SLCO4C1: variants seen among roughly 807,000 people sequenced by gnomAD.
SLCO4C1 encodes the protein solute carrier organic anion transporter family member 4C1.
Under a neutral mutation model 72.1 loss-of-function variants are expected in SLCO4C1, and 58 were observed. That is an observed-to-expected ratio of 0.80 (90% CI 0.65 to 1.00). The LOEUF (loss-of-function observed/expected upper bound fraction) is 1.00. SLCO4C1 is among the 50% of genes least tolerant of loss of function. The pLI, the probability that SLCO4C1 is intolerant of heterozygous loss-of-function variation, is 0.00. For synonymous variants in SLCO4C1, 297 were observed against 312.5 expected (o/e 0.95, Z 0.52); for missense variants, 898 against 857.9 (o/e 1.05, Z -0.58).
intron 9 of SLCO4C1, 78 bp from the exon 10 acceptor site, chr5:102,247,520 A>G: frequency 2.1e-6 from 2 of 953,926 alleles, no homozygotes; most frequent in Non-Finnish European, 1.5e-6. Context: ...TTCTCTAGAC[A>G]TGGCAAACAC....
chr5:102,236,841 T>C lies in SLCO4C1; in HGVS notation c.*17A>G, dbSNP rs1209693421. 1 of 1,609,172 alleles carries C rather than the reference T, an allele frequency of 6.2e-7. No homozygotes were observed. Among genetic ancestry groups the C allele is most frequent in the South Asian group, 1.1e-5 (1 of 89,414 alleles). ...GGTAAATTTTCCAGGTGTAAAACAGTCTTCTCTTTTCCCATTTCACCCTTC... is the reference window on the plus strand; with the variant it reads ...GGTAAATTTTCCAGGTGTAAAACAGCCTTCTCTTTTCCCATTTCACCCTTC... On this transcript the variant is annotated 3_prime_UTR_variant, in exon 13 of 13. Transcript: ENST00000310954.
At chr5:102,243,784 C>T (rs1321430620) in intron 10 of SLCO4C1, among the ~76,000 whole-genome samples, 3 of 152,100 alleles carry the variant, frequency 2.0e-5, no homozygotes, top group South Asian at 4.1e-4. Flanking sequence ...AAATATGTGA[C>T]GTTTCAGACA....
In SLCO4C1 at chr5:102,265,586, T is replaced by C. The variant is rs545740749; in HGVS notation, c.803-1806A>G. 1.1e-3 allele frequency among the ~76,000 whole-genome samples: 164 copies of C among 152,210 alleles called. 1 individual carries two copies. Among genetic ancestry groups the C allele is most frequent in the Non-Finnish European group, 8.2e-4 (56 of 67,954 alleles). On this transcript the variant is annotated intron_variant, in intron 3 of 12. Coordinates refer to ENST00000310954, the MANE Select transcript of SLCO4C1 (RefSeq NM_180991.5). ...TTTATTAAAGAGTCCCCAGTGTATA[T>C]CCTTGGTATCTTTAGCAAAAATCAG...
intron 10 of SLCO4C1, among the ~76,000 whole-genome samples, chr5:102,244,876 A>G (rs751667036): frequency 6.6e-6 from 1 of 152,308 alleles, no homozygotes; most frequent in South Asian, 2.1e-4. Flanking sequence ...GGCCTGTCCT[A>G]TAAGAAATGC....
Position 102,257,183 on chromosome 5 carries a change from C to G in SLCO4C1, c.1401G>C (p.Leu467=), listed in dbSNP as rs147471485. Residue 467 remains leucine (L), a synonymous_variant, in exon 8 of 13, where the codon CTG becomes CTC. Transcript: ENST00000310954. ...ALFTSGVALT[L]SFVFMYAKCE... ...ATTTGGCATACATAAATACAAAACT[C>G]AGCGTAAGTGCAACTCCAGATGTGA... is the stretch of plus-strand genomic sequence containing the variant. 73 of 1,607,504 alleles carry G rather than the reference C, an allele frequency of 4.5e-5. No homozygotes were observed. Among genetic ancestry groups the G allele is most frequent in the Middle Eastern group, 1.7e-4 (1 of 6,050 alleles).
intron 2 of SLCO4C1, among the ~76,000 whole-genome samples, chr5:102,283,865 T>TAG: frequency 6.6e-6 from 1 of 151,880 alleles, no homozygotes; most frequent in Non-Finnish European, 1.5e-5. Flanking sequence ...GCTAAAAAAA[T>TAG]GGAACATTAA....
intron 2 of SLCO4C1, among the ~76,000 whole-genome samples, chr5:102,283,271 A>T (rs59648644): frequency 0.21 from 31,208 of 151,786 alleles, 4,137 homozygotes; most frequent in Non-Finnish European, 0.26. Flanking sequence ...TTATCACCAC[A>T]TATGTATACT....
chr5:102,286,368 A>T (rs1023786248), intron 2 of SLCO4C1, among the ~76,000 whole-genome samples: 1 of 152,180 alleles, frequency 6.6e-6, no homozygotes, highest in Non-Finnish European at 1.5e-5. Flanking sequence ...TCAAAGAGAC[A>T]TAAAGATTAT....
chr5:102,239,341 A>G lies in SLCO4C1; in HGVS notation c.1924T>C (p.Cys642Arg), dbSNP rs111930513. Reference protein sequence around the residue: ...IIFGFTIDSTCILWDINDCGI... With the variant: ...IIFGFTIDSTRILWDINDCGI... Reference sequence around the variant, plus strand: ...CAATCATTTATATCCCAAAGAATACATGTGCTGTCTATTGTGAAACCAAAT... The same window carrying G: ...CAATCATTTATATCCCAAAGAATACGTGTGCTGTCTATTGTGAAACCAAAT... The change falls in exon 12 of 13, where the codon TGT becomes CGT. Residue 642 changes from cysteine (C) to arginine (R), a missense_variant. By Grantham distance (180) the Cys-to-Arg change is radical (BLOSUM62 -3). Coordinates refer to ENST00000310954, the MANE Select transcript of SLCO4C1 (RefSeq NM_180991.5). 1 of 1,603,140 alleles carries G rather than the reference A, an allele frequency of 6.2e-7. No homozygotes were observed. Among genetic ancestry groups the G allele is most frequent in the Non-Finnish European group, 8.5e-7 (1 of 1,175,118 alleles).
intron 2 of SLCO4C1, among the ~76,000 whole-genome samples, chr5:102,274,652 C>T (rs906000488): frequency 1.1e-4 from 17 of 152,142 alleles, no homozygotes. Context: ...ATCTATGCAT[C>T]CTGGAGAGGG....
At chr5:102,264,248 C>T (rs1263969373) in intron 3 of SLCO4C1, among the ~76,000 whole-genome samples, 2 of 152,018 alleles carry the variant, frequency 1.3e-5, no homozygotes, top group East Asian at 3.9e-4. Context: ...TAAAAGTAAG[C>T]CATTAGATTT....
intron 10 of SLCO4C1, among the ~76,000 whole-genome samples, chr5:102,245,128 G>C (rs1278175769): frequency 6.6e-6 from 1 of 152,044 alleles, no homozygotes; most frequent in African/African-American, 2.4e-5. Flanking sequence ...AACAACAAAA[G>C]AATAAAAAGC....
chr5:102,268,917 G>C (rs1749096868), intron 3 of SLCO4C1, among the ~76,000 whole-genome samples: 1 of 151,990 alleles, frequency 6.6e-6, no homozygotes, highest in South Asian at 2.1e-4. Context: ...GAATAGCTTT[G>C]CTGGATATAG....
intron 10 of SLCO4C1, among the ~76,000 whole-genome samples, chr5:102,244,368 CA>C (rs763710407): frequency 9.3e-5 from 14 of 151,310 alleles, no homozygotes; most frequent in Non-Finnish European, 1.8e-4. Flanking sequence ...GAATAAAAAA[CA>C]ATGAAGCATG....
intron 5 of SLCO4C1, among the ~76,000 whole-genome samples, 189 bp from the exon 6 acceptor site, chr5:102,260,508 T>C (rs1452581269): frequency 4.6e-5 from 7 of 151,380 alleles, no homozygotes. Flanking sequence ...CTAGTTCTTC[T>C]GTTAATAAAA....
chr5:102,269,889 T>C (rs1255993202), intron 3 of SLCO4C1, among the ~76,000 whole-genome samples: 1 of 152,100 alleles, frequency 6.6e-6, no homozygotes, highest in Non-Finnish European at 1.5e-5. Flanking sequence ...ATGGTGTTGG[T>C]TGGGTAGGTA....
Position 102,295,914 on chromosome 5 carries a change from T to C in SLCO4C1, c.349A>G (p.Thr117Ala), listed in dbSNP as rs1391689871. The C allele has an allele frequency of 6.2e-6, 10 of 1,612,018 alleles. No homozygotes were observed. Among genetic ancestry groups the C allele is most frequent in the Non-Finnish European group, 8.5e-6 (10 of 1,178,406 alleles). Residue 117 changes from threonine to alanine, a missense_variant, in exon 1 of 13, where the codon ACG becomes GCG. Coordinates refer to ENST00000310954, the MANE Select transcript of SLCO4C1 (RefSeq NM_180991.5). ...AGCGGGCGCTGGACTTTACCTTGCG[T>C]GACGGCCAAGAGGCAGTAGTGAAGC... ...FLLHYCLLAVTQGIVVNGLVN... is the reference protein window; with the variant it reads ...FLLHYCLLAVAQGIVVNGLVN...
intron 2 of SLCO4C1, 113 bp from the exon 3 acceptor site, chr5:102,270,919 A>T: frequency 1.2e-6 from 1 of 856,116 alleles, no homozygotes; most frequent in Non-Finnish European, 1.7e-6. Context: ...TCTTCCAATC[A>T]TTTTACTTTG....
chr5:102,292,103 G>GT (rs1561383694), intron 1 of SLCO4C1, among the ~76,000 whole-genome samples: 1 of 152,158 alleles, frequency 6.6e-6, no homozygotes, highest in African/African-American at 2.4e-5. Context: ...GGGATTACAG[G>GT]TGTGAGCCAA....
Sources: allele counts gnomAD v4.1 joint callset (sites outside exome capture counted in the v4.1 genomes callset), GRCh38; gene constraint gnomAD v4.1.1; transcripts MANE v1.5; gene names NCBI Gene and HGNC (gene_info 2026-07-23, HGNC 2026-07-21).